Variants in SMG9 observed in about 807,000 individuals in gnomAD.
The protein encoded by SMG9 is nonsense-mediated mRNA decay factor SMG9.
In SMG9, 55 loss-of-function variants were observed where a neutral mutation model predicts 64.0. That is an observed-to-expected ratio of 0.86 (90% CI 0.69 to 1.08). The LOEUF (loss-of-function observed/expected upper bound fraction) is 1.08, where lower values mean the gene tolerates loss of function less well. Among genes scored for constraint, SMG9 ranks in the 50% least tolerant of loss-of-function variants. The pLI is 0.00. For synonymous variants in SMG9, 244 were observed against 254.8 expected (o/e 0.96, Z 0.41); for missense variants, 554 against 681.3 (o/e 0.81, Z 2.08).
Position 43,729,019 on chromosome 19 carries a change from G to A in SMG9, c.*2577C>T. The A allele has an allele frequency of 1.0e-6, 1 of 985,644 alleles. No individual in the cohort carries two copies. The highest frequency in any genetic ancestry group is 1.2e-6 in the Non-Finnish European group (1 of 830,110). The allele number at this position is 985,644 out of a possible 1,614,324, so 61.1% of individuals were successfully genotyped here. On this transcript the variant is annotated 3_prime_UTR_variant, in exon 14 of 14. Transcript: ENST00000270066. ...GTATATCTAGCTGGTGTCCACAGTG[G>A]CCTGCTGGCAGCATCAGCCTGAGTC...
chr19:43,752,040 T>C (rs893049048), intron 1 of SMG9, among the ~76,000 whole-genome samples: 1 of 152,244 alleles, frequency 6.6e-6, no homozygotes, highest in African/African-American at 2.4e-5. Flanking sequence ...TACTCTTGAT[T>C]AGTCATTACT....
At position 43,738,151 on chromosome 19, in the gene SMG9, T is replaced by C; in HGVS notation, c.880A>G (p.Asn294Asp). The C allele has an allele frequency of 6.2e-7, 1 of 1,614,070 alleles. No individual in the cohort carries two copies. The highest frequency in any genetic ancestry group is 8.5e-7 in the Non-Finnish European group (1 of 1,179,980). The change falls in exon 8 of 14, where the codon AAC becomes GAC. Residue 294 changes from asparagine to aspartate, a missense_variant. Transcript: ENST00000270066. ...NNDRKLPPEYNLPHTYVEMQS... is the reference protein window; with the variant it reads ...NNDRKLPPEYDLPHTYVEMQS... ...ATTTCAACGTAAGTGTGGGGAAGGT[T>C]GTACTCTGGAGGCAGTTTGCGGTCA...
At chr19:43,751,255 T>A (rs1969185088) in intron 1 of SMG9, among the ~76,000 whole-genome samples, 1 of 151,912 alleles carries the variant, frequency 6.6e-6, no homozygotes, top group South Asian at 2.1e-4. Flanking sequence ...TGCCTCAGTC[T>A]CCTGAGAAGC....
intron 13 of SMG9, chr19:43,732,611 A>C: frequency 1.9e-6 from 1 of 519,700 alleles, no homozygotes; most frequent in Non-Finnish European, 3.4e-6. Context: ...TTTCCCCACC[A>C]GGAAAACTGG....
chr19:43,744,768 T>TCA lies in SMG9; in HGVS notation c.701+2_701+3dup. 1 of 1,610,852 alleles carries TCA rather than the reference T, an allele frequency of 6.2e-7. No homozygotes were observed. Among genetic ancestry groups the TCA allele is most frequent in the Admixed American group, 1.7e-5 (1 of 59,812 alleles). On this transcript the variant is annotated splice_donor_region_variant and intron_variant, in intron 6 of 13. Transcript: ENST00000270066. ...CTCCTGCACCCTATCTGATAGCCCC[T>TCA]CACCTCTGGTCCTCCTCTGGAGTGT...
rs375571880 is a variant in SMG9, at chr19:43,731,428, T to G, written c.*168A>C. 3,203 of 1,432,190 alleles carry G rather than the reference T, an allele frequency of 2.2e-3. 35 individuals carry two copies. In the African/African-American group the frequency reaches 0.034, roughly 15 times the overall value. The allele number at this position is 1,432,190 out of a possible 1,614,324, so 88.7% of individuals were successfully genotyped here. Reference sequence around the variant, plus strand: ...CCCCCGGAACAGCCCCAACTGAGGGTGGGGGGCCTGGCCCTGGACACCTCA... The same window carrying G: ...CCCCCGGAACAGCCCCAACTGAGGGGGGGGGGCCTGGCCCTGGACACCTCA... On this transcript the variant is annotated 3_prime_UTR_variant, in exon 14 of 14. Transcript: ENST00000270066.
chr19:43,738,757 G>C (rs1968753649), intron 7 of SMG9, among the ~76,000 whole-genome samples: 1 of 152,196 alleles, frequency 6.6e-6, no homozygotes, highest in Non-Finnish European at 1.5e-5. Flanking sequence ...TTAGAAAGGG[G>C]CTTTCACAAC....
In SMG9 at chr19:43,754,850, G is replaced by A. The variant is rs1969306502; in HGVS notation, c.-203C>T. 1 of 152,394 alleles carries A rather than the reference G, an allele frequency of 6.6e-6. No individual in the cohort carries two copies. Among genetic ancestry groups the A allele is most frequent in the Admixed American group, 6.5e-5 (1 of 15,290 alleles). 9.4% of individuals were successfully genotyped at this position (152,394 alleles called of 1,614,324 possible). A position where few individuals can be genotyped will look rare whatever the true frequency, so the allele number is the denominator to read the frequency against. ...GTCCGGGTTGCAGCCCCTAAGGAAA[G>A]CTGGGCCGAAGGAAGAAGAGGAGGA... On this transcript the variant is annotated 5_prime_UTR_variant, in exon 1 of 14. Transcript: ENST00000270066.
chr19:43,731,699 C>T, intron 13 of SMG9, 25 bp from the exon 14 acceptor site: 1 of 1,614,108 alleles, frequency 6.2e-7, no homozygotes, highest in Non-Finnish European at 8.5e-7. Context: ...ACAGTCAGGG[C>T]TGCCTGGCCG....
Position 43,734,474 on chromosome 19 carries a change from C to T in SMG9, c.1017G>A (p.Met339Ile). 1 of 1,559,812 alleles carries T rather than the reference C, an allele frequency of 6.4e-7. No homozygotes were observed. The highest frequency in any genetic ancestry group is 8.7e-7 in the Non-Finnish European group (1 of 1,151,432). The change falls in exon 10 of 14, where the codon ATG (methionine) becomes ATA (isoleucine). Residue 339 changes from methionine (M) to isoleucine (I), a missense_variant. Coordinates refer to ENST00000270066, the MANE Select transcript of SMG9 (RefSeq NM_019108.4). ...TGGGGGATGGGGTGGAGGGCTTCACCATCTCTGCTGTCTGCAGGAACCTTG... is the reference window on the plus strand; with the variant it reads ...TGGGGGATGGGGTGGAGGGCTTCACTATCTCTGCTGTCTGCAGGAACCTTG... Reference protein sequence around the residue: ...SLYRFLQTAEMVKPSTPSPSH... With the variant: ...SLYRFLQTAEIVKPSTPSPSH...
intron 5 of SMG9, among the ~76,000 whole-genome samples, chr19:43,746,174 A>T (rs1599654836): frequency 2.6e-5 from 4 of 152,172 alleles, no homozygotes. Context: ...CCGTCTCCTA[A>T]ATAAATAAAG....
In SMG9 at chr19:43,730,501, T is replaced by C. The variant is rs934891947; in HGVS notation, c.*1095A>G. The C allele has an allele frequency of 6.6e-6, 1 of 151,954 alleles. No individual in the cohort carries two copies. The highest frequency in any genetic ancestry group is 1.5e-5 in the Non-Finnish European group (1 of 68,018). 9.4% of individuals were successfully genotyped at this position (151,954 alleles called of 1,614,324 possible). On this transcript the variant is annotated 3_prime_UTR_variant, in exon 14 of 14. Coordinates refer to ENST00000270066, the MANE Select transcript of SMG9 (RefSeq NM_019108.4). The stretch of plus-strand genomic sequence containing the variant: ...GTCTGTACGGGTGAGGCATGGTATT[T>C]GGATTAAGGGTAAGTACTTACTACA...
rs1389861925 is a variant in SMG9 at position 43,730,837 on chromosome 19, G to A, written c.*759C>T. 6.6e-6 allele frequency: 1 copy of A among 152,626 alleles called. No homozygotes were observed. The highest frequency in any genetic ancestry group is 2.1e-4 in the South Asian group (1 of 4,826). 9.5% of individuals were successfully genotyped at this position (152,626 alleles called of 1,614,324 possible). A position where few individuals can be genotyped will look rare whatever the true frequency, so the allele number is the denominator to read the frequency against. On this transcript the variant is annotated 3_prime_UTR_variant, in exon 14 of 14. Coordinates refer to ENST00000270066, the MANE Select transcript of SMG9 (RefSeq NM_019108.4). ...CCTGCCTCGGCCTCCCAAAGTGCTA[G>A]GATTATAGACGTGAGCCACCATGCC...
chr19:43,733,528 A>C (rs1968554178), intron 11 of SMG9, 76 bp from the exon 12 acceptor site: 3 of 1,609,710 alleles, frequency 1.9e-6, no homozygotes, highest in South Asian at 2.2e-5. Context: ...CAGTCAAAGC[A>C]GGATCAGGAG....
Position 43,729,123 on chromosome 19 carries a change from CCT to C in SMG9, c.*2471_*2472del. 1 of 806,292 alleles carries C rather than the reference CCT, an allele frequency of 1.2e-6. No individual in the cohort carries two copies. The highest frequency in any genetic ancestry group is 1.5e-6 in the Non-Finnish European group (1 of 666,656). 49.9% of individuals were successfully genotyped at this position (806,292 alleles called of 1,614,324 possible). On this transcript the variant is annotated 3_prime_UTR_variant, in exon 14 of 14. Transcript: ENST00000270066. ...TCAGAAGGCTACTGCCAGTTTGACT[CCT>C]CTGTCAAACTGCCTCAACGAGCCAG...
chr19:43,733,237 T>C (rs1293422197), intron 12 of SMG9, 87 bp downstream of exon 12: 15 of 1,535,108 alleles, frequency 9.8e-6, no homozygotes, highest in Non-Finnish European at 1.3e-5. Context: ...GGGCAACCCA[T>C]GTCGCCTCCT....
Position 43,750,757 on chromosome 19 carries a change from G to C in SMG9, c.-6-10C>G, listed in dbSNP as rs1251264880. 3 of 1,597,606 alleles carry C rather than the reference G, an allele frequency of 1.9e-6. No homozygotes were observed. In the African/African-American group the frequency reaches 4.0e-5, roughly 22 times the overall value. On this transcript the variant is annotated splice_polypyrimidine_tract_variant and intron_variant, in intron 1 of 13. Coordinates refer to ENST00000270066, the MANE Select transcript of SMG9 (RefSeq NM_019108.4). ...ACTCAGACATGGTTACCTATGGAGG[G>C]AATGAGGGGATTTCAGGATGACAGA...
rs970136417 is a variant in SMG9, at chr19:43,730,166, G to C, written c.*1430C>G. On this transcript the variant is annotated 3_prime_UTR_variant, in exon 14 of 14. Transcript: ENST00000270066. Reference sequence around the variant, plus strand: ...AGGGAGACAAATATGTGCCACGGGCGGCAGGGGGTGGGGGAGGGCAATGGA... The same window carrying C: ...AGGGAGACAAATATGTGCCACGGGCCGCAGGGGGTGGGGGAGGGCAATGGA... 6.6e-6 allele frequency: 1 copy of C among 152,260 alleles called. No homozygotes were observed. Among genetic ancestry groups the C allele is most frequent in the Non-Finnish European group, 1.5e-5 (1 of 68,112 alleles). 9.4% of individuals were successfully genotyped at this position (152,260 alleles called of 1,614,324 possible).
Position 43,747,705 on chromosome 19 carries a change from G to A in SMG9, c.418C>T (p.Gln140Ter). 1 of 1,610,686 alleles carries A rather than the reference G, an allele frequency of 6.2e-7. No individual in the cohort carries two copies. Among genetic ancestry groups the A allele is most frequent in the Non-Finnish European group, 8.5e-7 (1 of 1,178,504 alleles). Reference protein sequence around the residue: ...PAPPKGEKEGQRPTQPVYQIQ... With the variant: ...PAPPKGEKEG ...TGGTACACAGGCTGTGTGGGTCTCT[G>A]CCCCTCCTTCTCCCCCTTGGGTGGC... The change falls in exon 4 of 14, where the codon CAG (glutamine) becomes TAG (stop). Residue 140 changes from glutamine (Q) to a stop codon, truncating the protein, a stop_gained. Transcript: ENST00000270066. LOFTEE classifies it high-confidence loss of function.
Sources: gnomAD v4.1 joint callset for allele counts (sites outside exome capture counted in the v4.1 genomes callset) on GRCh38, gnomAD v4.1.1 for gene constraint, MANE v1.5 for transcripts, NCBI Gene and HGNC (gene_info 2026-07-23, HGNC 2026-07-21) for gene names.